The following PCDH15 variants were observed in gnomAD, a reference collection of about 807,000 sequenced individuals.
PCDH15 encodes the protein protocadherin related 15.
In PCDH15, 129 loss-of-function variants were observed where a neutral mutation model predicts 178.5. The ratio of observed to expected loss-of-function variants is 0.72; its 90% confidence interval spans 0.63 to 0.84. The LOEUF (loss-of-function observed/expected upper bound fraction) is 0.84, where lower values mean the gene tolerates loss of function less well. PCDH15 is among the 40% of genes least tolerant of loss of function. The pLI, the probability that PCDH15 is intolerant of heterozygous loss-of-function variation, is 0.00. For synonymous variants in PCDH15, 800 were observed against 732.0 expected (o/e 1.09, Z -1.50); for missense variants, 2,230 against 2,099.9 (o/e 1.06, Z -1.21).
At chr10:55,104,801 G>T (rs529965933) in intron 2 of PCDH15, among the ~76,000 whole-genome samples, 17 of 152,122 alleles carry the variant, frequency 1.1e-4, no homozygotes, top group Non-Finnish European at 2.1e-4. Context: ...ACTTTGTATG[G>T]GTCCCATGGT....
At chr10:55,428,549 T>G (rs1403087002) in intron 2 of PCDH15, among the ~76,000 whole-genome samples, 1 of 151,796 alleles carries the variant, frequency 6.6e-6, no homozygotes, top group African/African-American at 2.4e-5. Context: ...ATATAAATTC[T>G]TTCTCTATAT....
intron 20 of PCDH15, among the ~76,000 whole-genome samples, chr10:53,999,671 G>T (rs965019461): frequency 6.6e-6 from 1 of 152,090 alleles, no homozygotes; most frequent in Non-Finnish European, 1.5e-5. Context: ...TTTCTCATAG[G>T]TTGAGTGCCT....
intron 25 of PCDH15, among the ~76,000 whole-genome samples, chr10:53,907,508 A>T (rs543652902): frequency 6.6e-6 from 1 of 152,300 alleles, no homozygotes; most frequent in Admixed American, 6.5e-5. Flanking sequence ...TAGGCAAAAA[A>T]GTTATTTGGA....
At chr10:54,032,038 T>C (rs115585719) in intron 18 of PCDH15, among the ~76,000 whole-genome samples, 4,172 of 152,000 alleles carry the variant, frequency 0.027, 196 homozygotes, top group African/African-American at 0.096. Flanking sequence ...AAAAAAATTA[T>C]ATATTAAATT....
chr10:54,400,687 C>T (rs529532331), intron 3 of PCDH15, among the ~76,000 whole-genome samples: 58 of 151,924 alleles, frequency 3.8e-4, no homozygotes, highest in African/African-American at 1.4e-3. Context: ...GACAGTTAAT[C>T]GAAAATTATT....
At chr10:54,078,815 T>G (rs188307196) in intron 17 of PCDH15, among the ~76,000 whole-genome samples, 294 of 152,268 alleles carry the variant, frequency 1.9e-3, no homozygotes, top group Middle Eastern at 0.014. Flanking sequence ...TCTTTGGAAT[T>G]ATAAGCCCAT....
In PCDH15 at chr10:53,866,854, T is replaced by C. The variant is rs1363284355; in HGVS notation, c.3505A>G (p.Thr1169Ala). 1.9e-6 allele frequency: 3 copies of C among 1,595,772 alleles called. No homozygotes were observed. The highest frequency in any genetic ancestry group is 1.4e-5 in the African/African-American group (1 of 72,408). Residue 1169 changes from threonine (T) to alanine (A), a missense_variant, in exon 27 of 38, where the codon ACT becomes GCT. Transcript: ENST00000644397. Reference protein sequence around the residue: ...MFTSVLRVKATDKDTGNYSVM... With the variant: ...MFTSVLRVKAADKDTGNYSVM... ...CTATAATTGCCAGTATCTTTATCAGTAGCCTAGACGGAGGGGAAAAAAAAA... is the reference window on the plus strand; with the variant it reads ...CTATAATTGCCAGTATCTTTATCAGCAGCCTAGACGGAGGGGAAAAAAAAA...
At chr10:54,330,910 C>T (rs1591831080) in intron 6 of PCDH15, among the ~76,000 whole-genome samples, 1 of 151,456 alleles carries the variant, frequency 6.6e-6, no homozygotes, top group East Asian at 1.9e-4. Context: ...TGTATTTGTG[C>T]TTGTGATTTT....
At chr10:54,294,566 T>C (rs1368449032) in intron 8 of PCDH15, among the ~76,000 whole-genome samples, 2 of 152,140 alleles carry the variant, frequency 1.3e-5, no homozygotes, top group East Asian at 1.9e-4. Context: ...ATCTACTAAA[T>C]CAATGATATA....
At chr10:55,025,978 G>GA (rs1314405507) in intron 2 of PCDH15, among the ~76,000 whole-genome samples, 3 of 151,776 alleles carry the variant, frequency 2.0e-5, no homozygotes, top group Non-Finnish European at 4.4e-5. Context: ...ATATTAAGAT[G>GA]AAAAAAATAC....
chr10:54,043,439 G>A (rs1321210260), intron 18 of PCDH15, among the ~76,000 whole-genome samples: 1 of 151,528 alleles, frequency 6.6e-6, no homozygotes, highest in Non-Finnish European at 1.5e-5. Context: ...CATTTCCCAG[G>A]CTGGAGTGCA....
rs1481924208 is a variant in PCDH15, at chr10:54,183,575, C to T, written c.1459G>A (p.Val487Ile). Residue 487 changes from valine to isoleucine, a missense_variant, in exon 13 of 38, where the codon GTA becomes ATA. Val to Ile is a conservative substitution (Grantham distance 29). Transcript: ENST00000644397. ...YTFSITAFDG[V>I]QESEPVIVNI... ...ACGATGACTGGCTCACTTTCTTGTA[C>T]ACCATCAAATGCTGTTATCTTTGGG... The T allele has an allele frequency of 3.7e-6, 6 of 1,613,946 alleles. No individual in the cohort carries two copies. The highest frequency in any genetic ancestry group is 1.1e-5 in the South Asian group (1 of 91,074).
chr10:55,087,535 T>C, intron 2 of PCDH15, among the ~76,000 whole-genome samples: 1 of 152,152 alleles, frequency 6.6e-6, no homozygotes, highest in East Asian at 1.9e-4. Flanking sequence ...AGAACATCAA[T>C]AAGAATTTGT....
chr10:54,076,814 T>C (rs2094350396), intron 17 of PCDH15, among the ~76,000 whole-genome samples: 5 of 152,210 alleles, frequency 3.3e-5, no homozygotes, highest in Admixed American at 2.6e-4. Flanking sequence ...AAACGTGTAT[T>C]CTCATGATCA....
intron 3 of PCDH15, among the ~76,000 whole-genome samples, chr10:54,839,417 T>C (rs1276930905): frequency 6.6e-6 from 1 of 152,066 alleles, no homozygotes; most frequent in African/African-American, 2.4e-5. Context: ...TAGATTTTAT[T>C]ATGCAAAATA....
At chr10:55,284,229 G>T (rs1842809392) in intron 1 of PCDH15, among the ~76,000 whole-genome samples, 1 of 147,454 alleles carries the variant, frequency 6.8e-6, no homozygotes, top group African/African-American at 2.7e-5. Context: ...TTCAGAGAAT[G>T]CTTCTAAGCC....
At chr10:54,593,662 A>G (rs920799517) in intron 2 of PCDH15, among the ~76,000 whole-genome samples, 2 of 151,932 alleles carry the variant, frequency 1.3e-5, no homozygotes, top group Non-Finnish European at 2.9e-5. Flanking sequence ...TTTGGAGTTT[A>G]TTGTGGTTCC....
At chr10:55,483,057 C>T (rs1840216544) in intron 2 of PCDH15, among the ~76,000 whole-genome samples, 1 of 151,656 alleles carries the variant, frequency 6.6e-6, no homozygotes. Flanking sequence ...ATGTAAAACC[C>T]ATTCAGGACA....
At chr10:55,351,119 T>C (rs1321222534) in intron 2 of PCDH15, among the ~76,000 whole-genome samples, 1 of 147,662 alleles carries the variant, frequency 6.8e-6, no homozygotes, top group Non-Finnish European at 1.5e-5. Context: ...TTCTGCCATG[T>C]GTTAGACAAA....
Sources: gnomAD v4.1 joint callset for allele counts (sites outside exome capture counted in the v4.1 genomes callset) on GRCh38, gnomAD v4.1.1 for gene constraint, MANE v1.5 for transcripts, NCBI Gene and HGNC (gene_info 2026-07-23, HGNC 2026-07-21) for gene names.